Variants in FAM135A observed in about 807,000 individuals in gnomAD.
FAM135A encodes protein FAM135A.
Under a neutral mutation model 146.8 loss-of-function variants are expected in FAM135A, and 79 were observed. The observed-to-expected ratio is 0.54, with a 90% CI of 0.45 to 0.65. The LOEUF (loss-of-function observed/expected upper bound fraction) is 0.65. FAM135A is among the 30% of genes least tolerant of loss of function. The pLI is 0.00. For synonymous variants in FAM135A, 562 were observed against 603.6 expected, an observed-to-expected ratio of 0.93 and a Z score of 1.01; for missense variants, 1,623 against 1,758.2, an observed-to-expected ratio of 0.92 and a Z score of 1.38.
At chr6:70,556,660 A>G (rs2128507903) in intron 20 of FAM135A, 90 bp from the exon 21 acceptor site, 2 of 784,444 alleles carry the variant, frequency 2.5e-6, no homozygotes, top group East Asian at 5.7e-5. Context: ...TGCTAAGGAA[A>G]TTTATTTTTT....
intron 16 of FAM135A, among the ~76,000 whole-genome samples, chr6:70,528,849 C>G (rs1795241733): frequency 2.0e-5 from 3 of 149,940 alleles, no homozygotes; most frequent in African/African-American, 7.4e-5. Context: ...CCCCCACCCC[C>G]TGACAGTCCC....
At chr6:70,437,663 G>GATTACAT (rs1773488271) in intron 4 of FAM135A, among the ~76,000 whole-genome samples, 1 of 152,058 alleles carries the variant, frequency 6.6e-6, no homozygotes, top group Non-Finnish European at 1.5e-5. Context: ...ATTCTGAATA[G>GATTACAT]ATTACTTGTG....
intron 15 of FAM135A, among the ~76,000 whole-genome samples, chr6:70,527,432 TA>T (rs986692863): frequency 7.2e-5 from 11 of 152,076 alleles, no homozygotes; most frequent in African/African-American, 2.4e-4. Flanking sequence ...TTAAGATACA[TA>T]GTGTCTAAAG....
Position 70,491,541 on chromosome 6 carries a change from A to G in FAM135A, c.873+458A>G, listed in dbSNP as rs78137767. Among the ~76,000 whole-genome samples, 1,424 of 152,050 alleles carry G rather than the reference A, an allele frequency of 9.4e-3. 24 individuals carry two copies. Among genetic ancestry groups the G allele is most frequent in the African/African-American group, 0.032 (1,347 of 41,560 alleles). On this transcript the variant is annotated intron_variant, in intron 11 of 21. Coordinates refer to ENST00000418814, the MANE Select transcript of FAM135A (RefSeq NM_001162529.3). ...TTCTGAGAAACTAAATGCTTTAACTATTTAAATGTATGTTTCACTATGCAT... is the reference window on the plus strand; with the variant it reads ...TTCTGAGAAACTAAATGCTTTAACTGTTTAAATGTATGTTTCACTATGCAT...
At chr6:70,473,742 G>A (rs552538385) in intron 5 of FAM135A, among the ~76,000 whole-genome samples, 29 of 152,186 alleles carry the variant, frequency 1.9e-4, no homozygotes, top group Middle Eastern at 3.4e-3. Flanking sequence ...AAGGCCTTGT[G>A]CCAGGAGTTC....
chr6:70,524,805 G>A lies in FAM135A; in HGVS notation c.1721G>A (p.Ser574Asn), dbSNP rs1164127324. ...AGACAGACAAGTCAAAAGGAAGCTA[G>A]CTGTTTGCCAACTAATACAGAGAGA... ...YMRQTSQKEA[S>N]CLPTNTERTE... is the part of the protein sequence containing the mutation. Residue 574 changes from serine to asparagine, a missense_variant, in exon 15 of 22, where the codon AGC (serine) becomes AAC (asparagine). Physicochemically the swap from Ser to Asn is conservative, Grantham distance 46. Transcript: ENST00000418814. The A allele has an allele frequency of 1.3e-6, 2 of 1,556,770 alleles. No individual in the cohort carries two copies. Among genetic ancestry groups the A allele is most frequent in the African/African-American group, 2.7e-5 (2 of 73,084 alleles).
At chr6:70,547,621 T>G (rs968142014) in intron 20 of FAM135A, among the ~76,000 whole-genome samples, 1 of 152,166 alleles carries the variant, frequency 6.6e-6, no homozygotes, top group African/African-American at 2.4e-5. Flanking sequence ...TTAGAACCAC[T>G]GCTTTAGCCA....
At position 70,519,108 on chromosome 6, in the gene FAM135A, A is replaced by G. The variant is rs1239938409; in HGVS notation, c.1030-3405A>G. On this transcript the variant is annotated intron_variant, in intron 12 of 21. Transcript: ENST00000418814. ...TCATGATTCAAGGAAGGAGGTCAAAATATCAACATGAACAGAAGTTTGGAA... is the reference window on the plus strand; with the variant it reads ...TCATGATTCAAGGAAGGAGGTCAAAGTATCAACATGAACAGAAGTTTGGAA... Among the ~76,000 whole-genome samples the G allele has an allele frequency of 2.0e-5, 3 of 152,238 alleles. No individual in the cohort carries two copies. In the East Asian group the frequency reaches 5.8e-4, roughly 29 times the overall value.
In FAM135A at chr6:70,446,950, A is replaced by G. The variant is rs974419164; in HGVS notation, c.78-5542A>G. Among the ~76,000 whole-genome samples the G allele has an allele frequency of 2.6e-5, 4 of 152,364 alleles. No individual in the cohort carries two copies. In the Middle Eastern group the frequency reaches 0.01, roughly 389 times the overall value. On this transcript the variant is annotated intron_variant, in intron 4 of 21. Transcript: ENST00000418814. Reference sequence around the variant, plus strand: ...CACTGTTGTAATAAATCTCTCCTCCATAAATTTATAGGTACAGAAGTTATA... The same window carrying G: ...CACTGTTGTAATAAATCTCTCCTCCGTAAATTTATAGGTACAGAAGTTATA...
At chr6:70,464,464 A>T (rs1779981295) in intron 5 of FAM135A, among the ~76,000 whole-genome samples, 1 of 152,182 alleles carries the variant, frequency 6.6e-6, no homozygotes, top group Non-Finnish European at 1.5e-5. Flanking sequence ...GTGGTTTCTG[A>T]CTTAATGGAG....
Position 70,559,700 on chromosome 6 carries a change from TC to T in FAM135A, c.4343-15del. 1 of 1,578,994 alleles carries T rather than the reference TC, an allele frequency of 6.3e-7. No homozygotes were observed. The highest frequency in any genetic ancestry group is 2.3e-5 in the East Asian group (1 of 44,172). ...CTATTGTGAACTAATTTTCCTTTTT[TC>T]TGTTGGTTCCATAGGACAGATCTAT... On this transcript the variant is annotated splice_polypyrimidine_tract_variant and intron_variant, in intron 21 of 21. Coordinates refer to ENST00000418814, the MANE Select transcript of FAM135A (RefSeq NM_001162529.3).
rs182486338 is a variant in FAM135A at position 70,491,417 on chromosome 6, A to G, written c.873+334A>G. 5.6e-3 allele frequency among the ~76,000 whole-genome samples: 855 copies of G among 152,122 alleles called. 3 individuals are homozygous for G. The highest frequency in any genetic ancestry group is 8.2e-3 in the Non-Finnish European group (555 of 67,844). The stretch of plus-strand genomic sequence containing the variant: ...TAAACTTGTAAAATGATACTGTTTA[A>G]AAATGAAAAATTTGTTTTATTTCAG... On this transcript the variant is annotated intron_variant, in intron 11 of 21. Coordinates refer to ENST00000418814, the MANE Select transcript of FAM135A (RefSeq NM_001162529.3).
chr6:70,468,188 C>A (rs1190081990), intron 5 of FAM135A, among the ~76,000 whole-genome samples: 1 of 152,138 alleles, frequency 6.6e-6, no homozygotes, highest in Non-Finnish European at 1.5e-5. Flanking sequence ...TATGGTTTCT[C>A]ATGTTTCTGA....
chr6:70,421,919 C>G (rs1344149332), intron 2 of FAM135A, among the ~76,000 whole-genome samples: 1 of 152,072 alleles, frequency 6.6e-6, no homozygotes, highest in East Asian at 1.9e-4. Context: ...ACAGAGAGTT[C>G]CTTGCAATGG....
At chr6:70,535,261 G>A (rs967812791) in intron 18 of FAM135A, among the ~76,000 whole-genome samples, 7 of 152,230 alleles carry the variant, frequency 4.6e-5, no homozygotes, top group Middle Eastern at 3.4e-3. Flanking sequence ...CAGCTCTCAA[G>A]CTCTCTTTCA....
intron 5 of FAM135A, among the ~76,000 whole-genome samples, chr6:70,467,665 TTCTA>T (rs771428080): frequency 5.3e-5 from 8 of 152,126 alleles, no homozygotes; most frequent in Admixed American, 3.9e-4. Context: ...CTTTTGTGCT[TTCTA>T]TCTTTTACTC....
chr6:70,418,597 A>T (rs1272237303), intron 2 of FAM135A: 2 of 152,362 alleles, frequency 1.3e-5, no homozygotes, highest in African/African-American at 4.8e-5. Flanking sequence ...GATTACAGGC[A>T]TGAGCCACTG....
rs567441292 is a variant in FAM135A, at chr6:70,534,565, G to C, written c.3965+711G>C. Among the ~76,000 whole-genome samples the C allele has an allele frequency of 2.1e-3, 318 of 152,044 alleles. 1 individual carries two copies. Among genetic ancestry groups the C allele is most frequent in the Middle Eastern group, 3.4e-3 (1 of 292 alleles). On this transcript the variant is annotated intron_variant, in intron 18 of 21. Coordinates refer to ENST00000418814, the MANE Select transcript of FAM135A (RefSeq NM_001162529.3). Reference sequence around the variant, plus strand: ...GAGCTCAAGTGATCCTCTCACCTTGGCCTCCCAAAGTGCTGGGATTACAGA... The same window carrying C: ...GAGCTCAAGTGATCCTCTCACCTTGCCCTCCCAAAGTGCTGGGATTACAGA...
Position 70,477,618 on chromosome 6 carries a change from C to A in FAM135A, c.542+286C>A, listed in dbSNP as rs143691813. ...TAAATAACTAGATCTCATGAGAACT[C>A]ACTCACTATCATGAGGACAGTATCA... On this transcript the variant is annotated intron_variant, in intron 8 of 21. Transcript: ENST00000418814. 3.8e-3 allele frequency among the ~76,000 whole-genome samples: 577 copies of A among 152,136 alleles called. 6 individuals are homozygous for A. Among genetic ancestry groups the A allele is most frequent in the Admixed American group, 0.026 (402 of 15,266 alleles).
Sources: gnomAD v4.1 joint callset for allele counts (sites outside exome capture counted in the v4.1 genomes callset) on GRCh38, gnomAD v4.1.1 for gene constraint, MANE v1.5 for transcripts, NCBI Gene and HGNC (gene_info 2026-07-23, HGNC 2026-07-21) for gene names.